SNTG2: variants seen among roughly 807,000 people sequenced by gnomAD.
SNTG2 encodes the protein gamma-2-syntrophin.
In SNTG2, 74 loss-of-function variants were observed where a neutral mutation model predicts 70.9. The ratio of observed to expected loss-of-function variants is 1.04; its 90% CI spans 0.86 to 1.27. SNTG2 has a LOEUF of 1.27. SNTG2 is among the 50% of genes most tolerant of loss of function. The pLI, the probability that SNTG2 is intolerant of heterozygous loss-of-function variation, is 0.00. For missense variants in SNTG2, 717 were observed against 690.7 expected, an observed-to-expected ratio of 1.04 and a Z score of -0.43; for synonymous variants, 278 against 273.8, an observed-to-expected ratio of 1.02 and a Z score of -0.15.
At chr2:1,280,797 A>G (rs1468732721) in intron 14 of SNTG2, among the ~76,000 whole-genome samples, 1 of 152,242 alleles carries the variant, frequency 6.6e-6, no homozygotes, top group Non-Finnish European at 1.5e-5. Context: ...ACTGATGCCT[A>G]TTATTCTACT....
chr2:977,234 A>G (rs1180986578), intron 1 of SNTG2, among the ~76,000 whole-genome samples: 7 of 152,198 alleles, frequency 4.6e-5, no homozygotes. Flanking sequence ...TTTATGTGCA[A>G]TATTATGTAA....
intron 1 of SNTG2, among the ~76,000 whole-genome samples, chr2:978,903 C>A (rs891133899): frequency 6.6e-6 from 1 of 152,074 alleles, no homozygotes; most frequent in African/African-American, 2.4e-5. Context: ...TAAGGATGAA[C>A]CTGTTGATAA....
At chr2:1,176,283 A>G (rs1215472652) in intron 8 of SNTG2, among the ~76,000 whole-genome samples, 1 of 152,162 alleles carries the variant, frequency 6.6e-6, no homozygotes, top group African/African-American at 2.4e-5. Context: ...TCAAGACTCA[A>G]TATTGAGACC....
rs576966032 is a variant in SNTG2 at position 1,098,187 on chromosome 2, G to A, written c.211-9G>A. On this transcript the variant is annotated splice_polypyrimidine_tract_variant and intron_variant, in intron 2 of 16. Coordinates refer to ENST00000308624, the MANE Select transcript of SNTG2 (RefSeq NM_018968.4). ...CTAAACTTGGTTTGTTTTCTAAAAT[G>A]TTTTAAAGCGCAGAACTGTTACACT... is the stretch of plus-strand genomic sequence containing the variant. 2.5e-6 allele frequency: 4 copies of A among 1,613,800 alleles called. No homozygotes were observed. The South Asian group carries it at 3.3e-5, about 13-fold the overall frequency.
At chr2:1,358,400 T>C (rs1316904058) in intron 16 of SNTG2, among the ~76,000 whole-genome samples, 1 of 152,138 alleles carries the variant, frequency 6.6e-6, no homozygotes, top group Non-Finnish European at 1.5e-5. Flanking sequence ...TGTACTAACT[T>C]TGACCTTAGT....
At chr2:1,023,065 A>C (rs1660281787) in intron 1 of SNTG2, among the ~76,000 whole-genome samples, 1 of 152,182 alleles carries the variant, frequency 6.6e-6, no homozygotes, top group Non-Finnish European at 1.5e-5. Context: ...ACCAGGAAAG[A>C]GGATTTTTTA....
chr2:1,335,066 T>C (rs1364783326), intron 16 of SNTG2, among the ~76,000 whole-genome samples: 5 of 152,204 alleles, frequency 3.3e-5, no homozygotes, highest in South Asian at 4.1e-4. Flanking sequence ...TAATTGCCCT[T>C]TTCATAAAGA....
chr2:1,069,177 T>C (rs947059592), intron 1 of SNTG2, among the ~76,000 whole-genome samples: 1 of 152,200 alleles, frequency 6.6e-6, no homozygotes, highest in Non-Finnish European at 1.5e-5. Context: ...TTTTATAAGA[T>C]GCTAAGCACC....
chr2:1,286,463 C>A (rs1286248850), intron 14 of SNTG2, among the ~76,000 whole-genome samples: 2 of 152,124 alleles, frequency 1.3e-5, no homozygotes, highest in South Asian at 2.1e-4. Context: ...ATGGTAAGAC[C>A]AGTGAATTCC....
chr2:1,102,258 G>T (rs1665827298), intron 4 of SNTG2, among the ~76,000 whole-genome samples: 1 of 152,204 alleles, frequency 6.6e-6, no homozygotes, highest in South Asian at 2.1e-4. Flanking sequence ...GTCAGCTGAA[G>T]TTGGTTTAAA....
At chr2:1,294,628 G>A (rs1380987643) in intron 14 of SNTG2, among the ~76,000 whole-genome samples, 9 of 152,156 alleles carry the variant, frequency 5.9e-5, no homozygotes, top group Non-Finnish European at 1.2e-4. Flanking sequence ...TCATGTAAAG[G>A]GGTTCATCAT....
chr2:1,245,420 T>C (rs562973444), intron 11 of SNTG2, among the ~76,000 whole-genome samples: 1 of 152,360 alleles, frequency 6.6e-6, no homozygotes, highest in East Asian at 1.9e-4. Context: ...ACAAACTGCC[T>C]GCATAATATT....
At chr2:1,113,966 C>T (rs1666725174) in intron 4 of SNTG2, among the ~76,000 whole-genome samples, 1 of 151,434 alleles carries the variant, frequency 6.6e-6, no homozygotes, top group Non-Finnish European at 1.5e-5. Context: ...TTAACCCTTA[C>T]AGTCCTTTGA....
intron 1 of SNTG2, among the ~76,000 whole-genome samples, chr2:1,000,391 G>C (rs1661827229): frequency 6.6e-6 from 1 of 151,584 alleles, no homozygotes; most frequent in Non-Finnish European, 1.5e-5. Flanking sequence ...TAGCTATATT[G>C]ACCAAGAAAA....
At chr2:1,209,028 G>T (rs1673857435) in intron 8 of SNTG2, 75 bp from the exon 9 acceptor site, 1 of 1,564,258 alleles carries the variant, frequency 6.4e-7, no homozygotes, top group Non-Finnish European at 8.7e-7. Flanking sequence ...TGTGTTCCAG[G>T]TGCCTGCAGA....
intron 1 of SNTG2, among the ~76,000 whole-genome samples, chr2:1,047,911 G>A (rs934277461): frequency 5.3e-5 from 8 of 152,042 alleles, no homozygotes; most frequent in South Asian, 4.3e-4. Flanking sequence ...AAGTGTCACC[G>A]CTTAGAATAA....
chr2:1,255,885 A>AATATATATAAATATATAT (rs1678063569), intron 12 of SNTG2, among the ~76,000 whole-genome samples: 1 of 90,478 alleles, frequency 1.1e-5, no homozygotes, highest in Non-Finnish European at 2.3e-5. Context: ...TATATATATA[A>AATATATATAAATATATAT]ATATATATAA....
At chr2:1,174,071 CT>C (rs777397507) in intron 8 of SNTG2, among the ~76,000 whole-genome samples, 55 of 152,152 alleles carry the variant, frequency 3.6e-4, no homozygotes, top group Non-Finnish European at 6.5e-4. Context: ...TTTAATTGAG[CT>C]CCTGAAATTA....
At chr2:1,087,096 G>A (rs779952000) in intron 2 of SNTG2, among the ~76,000 whole-genome samples, 1 of 152,150 alleles carries the variant, frequency 6.6e-6, no homozygotes, top group Non-Finnish European at 1.5e-5. Context: ...CGGAGGTCAA[G>A]GAGGCAGGGC....
Sources: allele counts gnomAD v4.1 joint callset (sites outside exome capture counted in the v4.1 genomes callset), GRCh38; gene constraint gnomAD v4.1.1; transcripts MANE v1.5; gene names NCBI Gene and HGNC (gene_info 2026-07-23, HGNC 2026-07-21).